HCN1: variants seen among roughly 807,000 people sequenced by gnomAD.
The protein encoded by HCN1 is potassium/sodium hyperpolarization-activated cyclic nucleotide-gated channel 1.
HCN1 carries 13 observed loss-of-function variants against 78.9 expected under a neutral mutation model. The observed-to-expected ratio is 0.16, with a 90% CI of 0.11 to 0.26. The LOEUF is 0.26. Ranked by LOEUF, HCN1 falls within the 10% of genes least tolerant of loss-of-function variation. The probability of loss-of-function intolerance (pLI) is 1.00; values close to 1 mark genes in which losing one functional copy is unlikely to be tolerated. For synonymous variants in HCN1, 552 were observed against 455.5 expected, an observed-to-expected ratio of 1.21 and a Z score of -2.70; for missense variants, 810 against 1,154.3, an observed-to-expected ratio of 0.70 and a Z score of 4.32.
At chr5:45,383,435 C>A (rs1410068433) in intron 4 of HCN1, among the ~76,000 whole-genome samples, 1 of 152,112 alleles carries the variant, frequency 6.6e-6, no homozygotes, top group Non-Finnish European at 1.5e-5. Context: ...ATGGCTCATG[C>A]CTGTAATCCC....
intron 2 of HCN1, among the ~76,000 whole-genome samples, chr5:45,613,082 C>T (rs978222934): frequency 6.6e-6 from 1 of 151,560 alleles, no homozygotes; most frequent in Non-Finnish European, 1.5e-5. Flanking sequence ...TATACATGTG[C>T]CATGCTGGTG....
At chr5:45,511,190 T>G (rs748639695) in intron 2 of HCN1, among the ~76,000 whole-genome samples, 32 of 152,002 alleles carry the variant, frequency 2.1e-4, no homozygotes, top group Admixed American at 5.9e-4. Flanking sequence ...TAATGTATTA[T>G]TAGAATATAA....
At chr5:45,606,432 C>G (rs562681464) in intron 2 of HCN1, among the ~76,000 whole-genome samples, 82 of 151,936 alleles carry the variant, frequency 5.4e-4, no homozygotes, top group African/African-American at 1.9e-3. Context: ...TGGCATTTAT[C>G]CTGAGGAAAT....
At chr5:45,444,457 T>G (rs1436342561) in intron 3 of HCN1, among the ~76,000 whole-genome samples, 1 of 152,138 alleles carries the variant, frequency 6.6e-6, no homozygotes, top group African/African-American at 2.4e-5. Flanking sequence ...TTTAGAATCT[T>G]TATGTAGTTA....
intron 2 of HCN1, among the ~76,000 whole-genome samples, chr5:45,572,585 T>C (rs964977401): frequency 1.3e-5 from 2 of 152,152 alleles, no homozygotes; most frequent in Non-Finnish European, 2.9e-5. Flanking sequence ...TAGCCAAGAT[T>C]GAGAGTGATA....
At chr5:45,452,231 A>G (rs1001885726) in intron 3 of HCN1, among the ~76,000 whole-genome samples, 2 of 152,008 alleles carry the variant, frequency 1.3e-5, no homozygotes, top group African/African-American at 2.4e-5. Flanking sequence ...TACTGGATGT[A>G]GAACAGAGAC....
chr5:45,283,430 TAAAC>T (rs1438823708), intron 6 of HCN1, among the ~76,000 whole-genome samples: 1 of 151,974 alleles, frequency 6.6e-6, no homozygotes, highest in Non-Finnish European at 1.5e-5. Context: ...ATAAGGAACT[TAAAC>T]AAATTTACAA....
intron 6 of HCN1, among the ~76,000 whole-genome samples, chr5:45,297,673 T>C (rs1745527074): frequency 6.6e-6 from 1 of 152,072 alleles, no homozygotes; most frequent in African/African-American, 2.4e-5. Flanking sequence ...TAAAAATGCA[T>C]AGAATAATAT....
intron 1 of HCN1, among the ~76,000 whole-genome samples, chr5:45,665,641 A>T (rs1024319483): frequency 6.6e-6 from 1 of 152,100 alleles, no homozygotes; most frequent in Non-Finnish European, 1.5e-5. Flanking sequence ...AATGGATCTT[A>T]TAAATGCATC....
At chr5:45,598,072 G>T (rs576438104) in intron 2 of HCN1, among the ~76,000 whole-genome samples, 1 of 152,056 alleles carries the variant, frequency 6.6e-6, no homozygotes, top group South Asian at 2.1e-4. Context: ...CTACTTTAAA[G>T]CTCATATGGA....
rs1740891598 is a variant in HCN1 at position 45,450,309 on chromosome 5, G to A, written c.1011+11537C>T. Among the ~76,000 whole-genome samples the A allele has an allele frequency of 2.0e-5, 3 of 152,102 alleles. No homozygotes were observed. In the South Asian group the frequency reaches 6.2e-4, roughly 32 times the overall value. ...AAGTTTGATTTTACCCAATCATCTG[G>A]ACCTTAATATATCAGTATATGATTT... On this transcript the variant is annotated intron_variant, in intron 3 of 7. Transcript: ENST00000303230.
intron 5 of HCN1, among the ~76,000 whole-genome samples, chr5:45,322,942 T>A (rs1746152205): frequency 2.0e-5 from 3 of 151,856 alleles, no homozygotes; most frequent in Non-Finnish European, 4.4e-5. Context: ...GATATAATAG[T>A]TCCTAATTGC....
intron 2 of HCN1, among the ~76,000 whole-genome samples, chr5:45,497,309 G>T (rs1376334789): frequency 1.3e-5 from 2 of 152,122 alleles, no homozygotes; most frequent in Non-Finnish European, 2.9e-5. Context: ...GGGTGTTAAA[G>T]TCTCCCATTA....
At chr5:45,481,930 G>A (rs554262052) in intron 2 of HCN1, among the ~76,000 whole-genome samples, 1 of 151,720 alleles carries the variant, frequency 6.6e-6, no homozygotes, top group Admixed American at 6.6e-5. Flanking sequence ...ATTTCAGAGG[G>A]TTGTATTGAG....
chr5:45,655,119 A>C (rs1745741443), intron 1 of HCN1, among the ~76,000 whole-genome samples: 1 of 152,122 alleles, frequency 6.6e-6, no homozygotes, highest in African/African-American at 2.4e-5. Flanking sequence ...CAGTCTTTAA[A>C]ATGTTCACGT....
chr5:45,586,273 A>G (rs1744222296), intron 2 of HCN1, among the ~76,000 whole-genome samples: 1 of 152,066 alleles, frequency 6.6e-6, no homozygotes, highest in South Asian at 2.1e-4. Flanking sequence ...TTGATCTCAG[A>G]CTGCTGTGCT....
intron 2 of HCN1, among the ~76,000 whole-genome samples, chr5:45,580,793 GT>G (rs962785658): frequency 2.6e-5 from 4 of 152,010 alleles, no homozygotes; most frequent in African/African-American, 9.7e-5. Context: ...GCGGTGTTTG[GT>G]TTTTTGTCCT....
intron 6 of HCN1, among the ~76,000 whole-genome samples, chr5:45,301,690 C>T (rs948635203): frequency 4.1e-5 from 6 of 144,642 alleles, no homozygotes; most frequent in African/African-American, 1.5e-4. Flanking sequence ...CAGTGCACTT[C>T]AGCCTAGGTG....
chr5:45,537,523 CT>C (rs71000638), intron 2 of HCN1, among the ~76,000 whole-genome samples: 54 of 25,740 alleles, frequency 2.1e-3, no homozygotes, highest in African/African-American at 5.9e-3. Flanking sequence ...AACTCTAAGT[CT>C]TTTTTTTTTT....
Sources: allele counts gnomAD v4.1 joint callset (sites outside exome capture counted in the v4.1 genomes callset), GRCh38; gene constraint gnomAD v4.1.1; transcripts MANE v1.5; gene names NCBI Gene and HGNC (gene_info 2026-07-23, HGNC 2026-07-21).